The following FBRSL1 variants were observed in gnomAD, a reference collection of about 807,000 sequenced individuals.
FBRSL1 encodes fibrosin like 1.
In FBRSL1, 51 loss-of-function variants were observed where a neutral mutation model predicts 89.6. That is an observed-to-expected ratio of 0.57 (90% CI 0.45 to 0.72). FBRSL1 has a LOEUF of 0.72. Ranked by LOEUF, FBRSL1 falls within the 30% of genes least tolerant of loss-of-function variation. The probability of loss-of-function intolerance (pLI) is 0.00; values close to 1 mark genes in which losing one functional copy is unlikely to be tolerated. For synonymous variants in FBRSL1, 779 were observed against 681.1 expected (o/e 1.14, Z -2.24); for missense variants, 1,618 against 1,451.8 (o/e 1.11, Z -1.86).
At chr12:132,500,649 T>G (rs2032816483) in intron 1 of FBRSL1, among the ~76,000 whole-genome samples, 4 of 152,076 alleles carry the variant, frequency 2.6e-5, no homozygotes, top group Admixed American at 2.6e-4. Flanking sequence ...CCCAGGGCCC[T>G]GCAGACTCCA....
intron 1 of FBRSL1, among the ~76,000 whole-genome samples, 177 bp downstream of exon 1, chr12:132,491,038 G>A (rs1338209227): frequency 1.3e-5 from 2 of 152,262 alleles, no homozygotes; most frequent in Non-Finnish European, 2.9e-5. Flanking sequence ...CGCTCGCCCA[G>A]ACCGTCGCAT....
intron 1 of FBRSL1, among the ~76,000 whole-genome samples, chr12:132,504,140 G>A (rs2136486913): frequency 6.6e-6 from 1 of 152,310 alleles, no homozygotes; most frequent in South Asian, 2.1e-4. Context: ...CTGGTGCCAA[G>A]GAGGGGAGAG....
intron 2 of FBRSL1, among the ~76,000 whole-genome samples, chr12:132,517,737 G>A (rs1176249730): frequency 6.6e-6 from 1 of 152,184 alleles, no homozygotes; most frequent in Admixed American, 6.5e-5. Context: ...CTAAGGAGGG[G>A]CCTGGTCTCA....
At position 132,521,820 on chromosome 12, in the gene FBRSL1, G is replaced by A. The variant is rs566123592; in HGVS notation, c.490-3914G>A. On this transcript the variant is annotated intron_variant, in intron 2 of 18. Coordinates refer to ENST00000680143, the MANE Select transcript of FBRSL1 (RefSeq NM_001367871.1). ...CACATTCCCCGGGAGGGCACCTTCTGCTCAGTTTGCACAAGAGGACACGGG... is the reference window on the plus strand; with the variant it reads ...CACATTCCCCGGGAGGGCACCTTCTACTCAGTTTGCACAAGAGGACACGGG... Among the ~76,000 whole-genome samples, 3 of 152,304 alleles carry A rather than the reference G, an allele frequency of 2.0e-5. No individual in the cohort carries two copies. In the East Asian group the frequency reaches 5.8e-4, roughly 29 times the overall value.
chr12:132,492,349 G>A (rs1269233250), intron 1 of FBRSL1, among the ~76,000 whole-genome samples: 1 of 152,082 alleles, frequency 6.6e-6, no homozygotes, highest in Non-Finnish European at 1.5e-5. Flanking sequence ...CCCCGTCGAC[G>A]TTGCCCACCT....
intron 5 of FBRSL1, among the ~76,000 whole-genome samples, chr12:132,564,832 T>G (rs2039476444): frequency 6.6e-6 from 1 of 150,932 alleles, no homozygotes; most frequent in South Asian, 2.1e-4. Flanking sequence ...GGTTTCACCG[T>G]GTTGGCCAGG....
chr12:132,583,399 T>C lies in FBRSL1; in HGVS notation c.2630T>C (p.Leu877Pro). Residue 877 changes from leucine (L) to proline (P), a missense_variant, in exon 19 of 19, where the codon CTC (leucine) becomes CCC (proline). By Grantham distance (98) the Leu-to-Pro change is moderately conservative. Coordinates refer to ENST00000680143, the MANE Select transcript of FBRSL1 (RefSeq NM_001367871.1). Reference sequence around the variant, plus strand: ...GCCCCCGCCCCGGGCTCCGCCGCCCTCTTGGAGCCCCCGGAGCGCCCCTAC... The same window carrying C: ...GCCCCCGCCCCGGGCTCCGCCGCCCCCTTGGAGCCCCCGGAGCGCCCCTAC... ...AAAPAPGSAALLEPPERPYRD... is the reference protein window; with the variant it reads ...AAAPAPGSAAPLEPPERPYRD... 1 of 1,079,102 alleles carries C rather than the reference T, an allele frequency of 9.3e-7. No individual in the cohort carries two copies. The highest frequency in any genetic ancestry group is 1.1e-6 in the Non-Finnish European group (1 of 890,764). The allele number at this position is 1,079,102 out of a possible 1,614,324, so 66.8% of individuals were successfully genotyped here. A position where few individuals can be genotyped will look rare whatever the true frequency, so the allele number is the denominator to read the frequency against.
intron 5 of FBRSL1, among the ~76,000 whole-genome samples, chr12:132,550,485 G>A (rs778163099): frequency 5.9e-5 from 9 of 152,160 alleles, no homozygotes; most frequent in Non-Finnish European, 1.3e-4. Flanking sequence ...GGCAGCTCCC[G>A]GAGGCTGCTC....
chr12:132,491,211 G>C (rs890650256), intron 1 of FBRSL1, among the ~76,000 whole-genome samples: 2 of 152,224 alleles, frequency 1.3e-5, no homozygotes, highest in Non-Finnish European at 2.9e-5. Context: ...GGACGTGCTA[G>C]GGAGCAGTGC....
intron 5 of FBRSL1, chr12:132,566,528 C>T (rs1342507828): frequency 6.6e-6 from 1 of 152,320 alleles, no homozygotes; most frequent in African/African-American, 2.4e-5. Flanking sequence ...CCTCCGTCCA[C>T]CCCTCCCCAT....
In FBRSL1 at chr12:132,510,578, T is replaced by C. The variant is rs191216601; in HGVS notation, c.489+2228T>C. On this transcript the variant is annotated intron_variant, in intron 2 of 18. Coordinates refer to ENST00000680143, the MANE Select transcript of FBRSL1 (RefSeq NM_001367871.1). ...GCTTTGCCGGACTAGCCTGAGGCCT[T>C]GTCTAGACAGGGCTGAGCTGTTTGT... 2.3e-5 allele frequency: 28 copies of C among 1,230,944 alleles called. No individual in the cohort carries two copies. In the Admixed American group the frequency reaches 3.8e-4, roughly 17 times the overall value. The allele number at this position is 1,230,944 out of a possible 1,614,324, so 76.3% of individuals were successfully genotyped here.
At chr12:132,578,722 GCCC>G (rs57481412) in intron 15 of FBRSL1, among the ~76,000 whole-genome samples, 2 of 151,662 alleles carry the variant, frequency 1.3e-5, no homozygotes, top group African/African-American at 2.4e-5. Flanking sequence ...CCCCGCTGCA[GCCC>G]CCCCTCACTC....
At chr12:132,555,966 G>A (rs1049859149) in intron 5 of FBRSL1, among the ~76,000 whole-genome samples, 1 of 152,048 alleles carries the variant, frequency 6.6e-6, no homozygotes. Flanking sequence ...CCAGGGCCTC[G>A]GGCACAGCAT....
chr12:132,571,764 G>A (rs762005586), intron 9 of FBRSL1: 13 of 348,124 alleles, frequency 3.7e-5, no homozygotes, highest in Admixed American at 1.9e-4. Context: ...CCGTGCCCAC[G>A]TGCATGGGAC....
intron 4 of FBRSL1, among the ~76,000 whole-genome samples, chr12:132,544,225 GA>G (rs1445195911): frequency 2.0e-5 from 3 of 152,214 alleles, no homozygotes; most frequent in African/African-American, 7.2e-5. Flanking sequence ...CAAGTACTGA[GA>G]AGTGGTCACG....
intron 1 of FBRSL1, among the ~76,000 whole-genome samples, chr12:132,502,033 G>C (rs1197747430): frequency 6.6e-6 from 1 of 152,248 alleles, no homozygotes; most frequent in Non-Finnish European, 1.5e-5. Flanking sequence ...TTTGTACAGA[G>C]AGTGCATGGA....
chr12:132,496,273 C>T (rs1283775952), intron 1 of FBRSL1, among the ~76,000 whole-genome samples: 4 of 152,198 alleles, frequency 2.6e-5, no homozygotes, highest in Non-Finnish European at 5.9e-5. Flanking sequence ...GGAGGTCTGT[C>T]GCCAGACGTC....
At chr12:132,520,718 T>C (rs2035279243) in intron 2 of FBRSL1, among the ~76,000 whole-genome samples, 1 of 151,968 alleles carries the variant, frequency 6.6e-6, no homozygotes, top group Non-Finnish European at 1.5e-5. Flanking sequence ...GGCCCCAGAG[T>C]CGGGCTCTGC....
chr12:132,560,444 C>T (rs1023064393), intron 5 of FBRSL1, among the ~76,000 whole-genome samples: 3 of 151,806 alleles, frequency 2.0e-5, no homozygotes, highest in African/African-American at 4.8e-5. Flanking sequence ...GGGTCCCAGG[C>T]CCGGGTCAGG....
Sources: allele counts gnomAD v4.1 joint callset (sites outside exome capture counted in the v4.1 genomes callset), GRCh38; gene constraint gnomAD v4.1.1; transcripts MANE v1.5; gene names NCBI Gene and HGNC (gene_info 2026-07-23, HGNC 2026-07-21).